ARID4B: variants seen among roughly 807,000 people sequenced by gnomAD.
The protein encoded by ARID4B is AT-rich interaction domain 4B.
In ARID4B, 26 loss-of-function variants were observed where a neutral mutation model predicts 147.5. The ratio of observed to expected loss-of-function variants is 0.18; its 90% CI spans 0.13 to 0.24. The LOEUF is 0.24. Ranked by LOEUF, ARID4B falls within the 10% of genes least tolerant of loss-of-function variation. The pLI is 1.00. For missense variants in ARID4B, 1,179 were observed against 1,511.5 expected (o/e 0.78, Z 3.65); for synonymous variants, 512 against 507.9 (o/e 1.01, Z -0.11).
intron 2 of ARID4B, among the ~76,000 whole-genome samples, chr1:235,320,363 A>G (rs1336826201): frequency 1.3e-5 from 2 of 152,236 alleles, no homozygotes; most frequent in East Asian, 3.9e-4. Flanking sequence ...TGCAGTAAGT[A>G]GAATTTTCCC....
At chr1:235,283,127 C>CACATTCAT (rs1270506562) in intron 2 of ARID4B, among the ~76,000 whole-genome samples, 1 of 152,172 alleles carries the variant, frequency 6.6e-6, no homozygotes, top group African/African-American at 2.4e-5. Context: ...TCTTTTAAAA[C>CACATTCAT]ACATTCATTT....
chr1:235,246,969 G>C (rs148175732), intron 6 of ARID4B, among the ~76,000 whole-genome samples: 1 of 152,106 alleles, frequency 6.6e-6, no homozygotes, highest in African/African-American at 2.4e-5. Context: ...AGCATCAATC[G>C]CACGAACAAA....
chr1:235,219,255 T>A (rs1667290341), intron 16 of ARID4B, among the ~76,000 whole-genome samples: 1 of 152,150 alleles, frequency 6.6e-6, no homozygotes, highest in South Asian at 2.1e-4. Context: ...GAAAAAAGAT[T>A]CAATGCCAAA....
At chr1:235,204,100 G>T (rs1015102850) in intron 17 of ARID4B, among the ~76,000 whole-genome samples, 1 of 152,090 alleles carries the variant, frequency 6.6e-6, no homozygotes, top group Admixed American at 6.6e-5. Flanking sequence ...AAGGCAGGCG[G>T]ATCATGACGT....
intron 17 of ARID4B, among the ~76,000 whole-genome samples, chr1:235,200,207 C>A (rs760390179): frequency 3.3e-5 from 5 of 152,046 alleles, no homozygotes; most frequent in Non-Finnish European, 7.4e-5. Context: ...GTAATCCCAG[C>A]ACTTTGGGAG....
chr1:235,206,161 C>T (rs1666294627), intron 17 of ARID4B, among the ~76,000 whole-genome samples: 1 of 151,862 alleles, frequency 6.6e-6, no homozygotes, highest in South Asian at 2.1e-4. Flanking sequence ...TTATCATATG[C>T]CAAATGAATA....
intron 2 of ARID4B, among the ~76,000 whole-genome samples, chr1:235,266,232 G>A (rs191494627): frequency 1.0e-3 from 156 of 152,136 alleles, no homozygotes; most frequent in African/African-American, 3.7e-3. Context: ...GTCCAATTTA[G>A]AGACATAAAA....
intron 13 of ARID4B, among the ~76,000 whole-genome samples, chr1:235,221,886 A>AT (rs768600040): frequency 0.027 from 1,426 of 53,478 alleles, 127 homozygotes; most frequent in Non-Finnish European, 0.035. Flanking sequence ...TCATTTGACT[A>AT]TTTTTTTTTT....
intron 11 of ARID4B, 86 bp downstream of exon 11, chr1:235,229,145 G>A (rs979519944): frequency 1.4e-5 from 20 of 1,443,572 alleles, no homozygotes; most frequent in Non-Finnish European, 1.9e-5. Flanking sequence ...ACTTATATGA[G>A]TAATGACTTA....
intron 2 of ARID4B, among the ~76,000 whole-genome samples, chr1:235,302,022 C>G (rs759296308): frequency 1.3e-5 from 2 of 150,512 alleles, no homozygotes; most frequent in African/African-American, 4.9e-5. Context: ...TTAGTGGAAA[C>G]GGGGTTTCGC....
intron 6 of ARID4B, among the ~76,000 whole-genome samples, chr1:235,246,752 AT>A (rs1484464032): frequency 6.6e-6 from 1 of 152,182 alleles, no homozygotes; most frequent in Non-Finnish European, 1.5e-5. Context: ...TCTCTAGATG[AT>A]TCATTACCTA....
At chr1:235,250,050 T>C (rs544980405) in intron 6 of ARID4B, among the ~76,000 whole-genome samples, 2 of 151,696 alleles carry the variant, frequency 1.3e-5, no homozygotes, top group Admixed American at 1.3e-4. Flanking sequence ...GAGCTTGCAG[T>C]GAGCCGAGAT....
intron 2 of ARID4B, among the ~76,000 whole-genome samples, chr1:235,279,133 G>A (rs1413039091): frequency 2.6e-5 from 4 of 152,012 alleles, no homozygotes; most frequent in East Asian, 3.8e-4. Flanking sequence ...CAGACATTCC[G>A]AATTAGAAAC....
chr1:235,242,907 C>T (rs1669080933), intron 7 of ARID4B, among the ~76,000 whole-genome samples: 1 of 152,078 alleles, frequency 6.6e-6, no homozygotes, highest in East Asian at 1.9e-4. Flanking sequence ...AGTCCCTGCC[C>T]ATCTACCTCT....
At chr1:235,173,797 T>C (rs1410783175) in intron 22 of ARID4B, among the ~76,000 whole-genome samples, 2 of 73,504 alleles carry the variant, frequency 2.7e-5, no homozygotes, top group African/African-American at 1.1e-4. Flanking sequence ...TATATATATA[T>C]ATATATATAT....
At chr1:235,217,692 C>T (rs926170139) in intron 16 of ARID4B, among the ~76,000 whole-genome samples, 1 of 152,166 alleles carries the variant, frequency 6.6e-6, no homozygotes, top group African/African-American at 2.4e-5. Context: ...CAATCTCCCA[C>T]ATCTGGACAA....
At chr1:235,240,224 G>C in intron 8 of ARID4B, 89 bp downstream of exon 8, 2 of 1,175,364 alleles carry the variant, frequency 1.7e-6, no homozygotes, top group Non-Finnish European at 1.2e-6. Flanking sequence ...TCCTCATTTT[G>C]TACCTATGAA....
At chr1:235,202,874 T>C (rs1666045911) in intron 17 of ARID4B, among the ~76,000 whole-genome samples, 1 of 151,904 alleles carries the variant, frequency 6.6e-6, no homozygotes, top group Non-Finnish European at 1.5e-5. Context: ...TATATGAGAC[T>C]CCAAGACCAT....
intron 13 of ARID4B, among the ~76,000 whole-genome samples, chr1:235,221,886 A>ATT (rs768600040): frequency 0.034 from 1,814 of 53,452 alleles, 193 homozygotes; most frequent in East Asian, 0.068. Flanking sequence ...TCATTTGACT[A>ATT]TTTTTTTTTT....
Sources: gnomAD v4.1 joint callset for allele counts (sites outside exome capture counted in the v4.1 genomes callset) on GRCh38, gnomAD v4.1.1 for gene constraint, MANE v1.5 for transcripts, NCBI Gene and HGNC (gene_info 2026-07-23, HGNC 2026-07-21) for gene names.